Variants in ANKRD33B observed in about 807,000 individuals in gnomAD.
ANKRD33B encodes ankyrin repeat domain-containing protein 33B.
ANKRD33B carries 6 observed loss-of-function variants against 21.5 expected under a neutral mutation model. That is an observed-to-expected ratio of 0.28 (90% CI 0.15 to 0.55). ANKRD33B has a LOEUF of 0.55. Among genes scored for constraint, ANKRD33B ranks in the 20% least tolerant of loss-of-function variants. ANKRD33B has a pLI of 0.94. For missense variants in ANKRD33B, 698 were observed against 747.2 expected (o/e 0.93, Z 0.77); for synonymous variants, 347 against 342.4 (o/e 1.01, Z -0.15).
intron 3 of ANKRD33B, among the ~76,000 whole-genome samples, chr5:10,647,855 G>A (rs1579761063): frequency 6.6e-6 from 1 of 152,160 alleles, no homozygotes; most frequent in East Asian, 1.9e-4. Flanking sequence ...CATTATGAAG[G>A]GTAATCTCCT....
rs145514190 is a variant in ANKRD33B, at chr5:10,627,022, G to A, written c.496+8560G>A. 4.1e-3 allele frequency among the ~76,000 whole-genome samples: 629 copies of A among 152,312 alleles called. 2 individuals are homozygous for A. Among genetic ancestry groups the A allele is most frequent in the African/African-American group, 0.014 (579 of 41,576 alleles). The stretch of plus-strand genomic sequence containing the variant: ...CACAGCATTTATGAGTACGAATTCG[G>A]ATGCAAATGCCTTCATCTGCCTTTT... On this transcript the variant is annotated intron_variant, in intron 2 of 3. Coordinates refer to ENST00000296657, the MANE Select transcript of ANKRD33B (RefSeq NM_001164440.2).
Position 10,564,458 on chromosome 5 carries a change from G to C in ANKRD33B, c.-10G>C. On this transcript the variant is annotated 5_prime_UTR_variant, in exon 1 of 4. Coordinates refer to ENST00000296657, the MANE Select transcript of ANKRD33B (RefSeq NM_001164440.2). ...CGCCCCGGCCCCCGGCCCGCGCCCC[G>C]GCCGCCGGCATGGTGCTGCTGGCCG... 8.9e-7 allele frequency: 1 copy of C among 1,126,782 alleles called. No homozygotes were observed. The highest frequency in any genetic ancestry group is 4.3e-5 in the South Asian group (1 of 23,150). The allele number at this position is 1,126,782 out of a possible 1,614,324, so 69.8% of individuals were successfully genotyped here. A position where few individuals can be genotyped will look rare whatever the true frequency, so the allele number is the denominator to read the frequency against.
intron 1 of ANKRD33B, among the ~76,000 whole-genome samples, chr5:10,566,401 G>A (rs893576139): frequency 6.6e-6 from 1 of 152,198 alleles, no homozygotes; most frequent in African/African-American, 2.4e-5. Flanking sequence ...CCAGATGTGT[G>A]TAATCAGAAA....
chr5:10,582,809 C>T (rs934983292), intron 1 of ANKRD33B, among the ~76,000 whole-genome samples: 1 of 152,210 alleles, frequency 6.6e-6, no homozygotes, highest in Non-Finnish European at 1.5e-5. Flanking sequence ...GACTTTGGAC[C>T]CTCATCGCAG....
intron 3 of ANKRD33B, among the ~76,000 whole-genome samples, chr5:10,648,909 T>C (rs1737250795): frequency 6.6e-6 from 1 of 152,144 alleles, no homozygotes; most frequent in Non-Finnish European, 1.5e-5. Context: ...GGTGGGAGGA[T>C]TGCTTGAACC....
chr5:10,655,943 A>G lies in ANKRD33B; in HGVS notation c.*5830A>G, dbSNP rs770784021. On this transcript the variant is annotated 3_prime_UTR_variant, in exon 4 of 4. Coordinates refer to ENST00000296657, the MANE Select transcript of ANKRD33B (RefSeq NM_001164440.2). ...GGACAGGTGGGACCCTGACCATGACAGATCTTTCTAAAACAATAAAGTCCC... is the reference window on the plus strand; with the variant it reads ...GGACAGGTGGGACCCTGACCATGACGGATCTTTCTAAAACAATAAAGTCCC... The G allele has an allele frequency of 2.6e-5, 4 of 152,358 alleles. No homozygotes were observed. Among genetic ancestry groups the G allele is most frequent in the Non-Finnish European group, 5.9e-5 (4 of 68,032 alleles). The allele number at this position is 152,358 out of a possible 1,614,324, so 9.4% of individuals were successfully genotyped here.
chr5:10,606,869 C>T (rs1412266680), intron 1 of ANKRD33B, among the ~76,000 whole-genome samples: 1 of 151,640 alleles, frequency 6.6e-6, no homozygotes, highest in Non-Finnish European at 1.5e-5. Context: ...GTTGCGATTA[C>T]AGGTGTGCGT....
chr5:10,629,950 G>T (rs1447646779), intron 2 of ANKRD33B, among the ~76,000 whole-genome samples: 1 of 152,168 alleles, frequency 6.6e-6, no homozygotes, highest in Non-Finnish European at 1.5e-5. Flanking sequence ...TGCTGGGGGT[G>T]GTTTCAGCAA....
intron 1 of ANKRD33B, among the ~76,000 whole-genome samples, chr5:10,567,016 C>G (rs1419931405): frequency 6.6e-6 from 1 of 152,174 alleles, no homozygotes; most frequent in African/African-American, 2.4e-5. Flanking sequence ...TTTTCTCTCG[C>G]TGCTTTTCTT....
chr5:10,600,203 A>G (rs189919746), intron 1 of ANKRD33B, among the ~76,000 whole-genome samples: 158 of 152,350 alleles, frequency 1.0e-3, no homozygotes, highest in Middle Eastern at 6.8e-3. Context: ...GATAATTTAC[A>G]TACAGTGAAA....
chr5:10,618,652 G>A (rs760383374), intron 2 of ANKRD33B, among the ~76,000 whole-genome samples, 190 bp downstream of exon 2: 2 of 152,214 alleles, frequency 1.3e-5, no homozygotes, highest in Admixed American at 6.5e-5. Context: ...TCAGAATTCA[G>A]TATGGGCAGA....
intron 1 of ANKRD33B, among the ~76,000 whole-genome samples, chr5:10,579,987 C>G (rs1281143754): frequency 3.9e-5 from 6 of 152,128 alleles, no homozygotes; most frequent in Non-Finnish European, 8.8e-5. Context: ...CTCTATTCCC[C>G]ACCCCCTCCA....
chr5:10,624,372 C>T (rs1231694677), intron 2 of ANKRD33B, among the ~76,000 whole-genome samples: 2 of 152,134 alleles, frequency 1.3e-5, no homozygotes, highest in Non-Finnish European at 2.9e-5. Context: ...TCAAGTGATC[C>T]GCCCACCTTG....
intron 1 of ANKRD33B, among the ~76,000 whole-genome samples, chr5:10,604,843 T>A (rs2126571412): frequency 6.6e-6 from 1 of 152,314 alleles, no homozygotes; most frequent in Admixed American, 6.5e-5. Context: ...GACTTGTTGA[T>A]GTTTGTATTA....
At position 10,654,401 on chromosome 5, in the gene ANKRD33B, C is replaced by A. The variant is rs1262526118; in HGVS notation, c.*4288C>A. On this transcript the variant is annotated 3_prime_UTR_variant, in exon 4 of 4. Coordinates refer to ENST00000296657, the MANE Select transcript of ANKRD33B (RefSeq NM_001164440.2). ...AATTTCAAGTTGACAGGTACCTTCT[C>A]AGGGATTTATATATAAATATAGTTA... The A allele has an allele frequency of 6.6e-6, 1 of 152,370 alleles. No individual in the cohort carries two copies. The highest frequency in any genetic ancestry group is 6.5e-5 in the Admixed American group (1 of 15,292). The allele number at this position is 152,370 out of a possible 1,614,324, so 9.4% of individuals were successfully genotyped here. A position where few individuals can be genotyped will look rare whatever the true frequency, so the allele number is the denominator to read the frequency against.
chr5:10,601,704 AG>A (rs1372085713), intron 1 of ANKRD33B, among the ~76,000 whole-genome samples: 14 of 152,386 alleles, frequency 9.2e-5, no homozygotes, highest in African/African-American at 3.4e-4. Context: ...AAAGCGGTGC[AG>A]CCCTCCTCCC....
At chr5:10,633,556 G>A (rs1034775547) in intron 2 of ANKRD33B, among the ~76,000 whole-genome samples, 4 of 152,170 alleles carry the variant, frequency 2.6e-5, no homozygotes, top group Non-Finnish European at 4.4e-5. Context: ...ATGAATGGAC[G>A]CGTGTCAATT....
intron 1 of ANKRD33B, among the ~76,000 whole-genome samples, chr5:10,565,816 T>C (rs1735036542): frequency 6.6e-6 from 1 of 152,240 alleles, no homozygotes; most frequent in Non-Finnish European, 1.5e-5. Flanking sequence ...GATTTTTGTA[T>C]TGTCCAAGGA....
At chr5:10,599,089 G>C (rs1299149762) in intron 1 of ANKRD33B, among the ~76,000 whole-genome samples, 1 of 152,302 alleles carries the variant, frequency 6.6e-6, no homozygotes, top group African/African-American at 2.4e-5. Context: ...CAGAGGCAAA[G>C]ACCTGTTGTT....
Sources: gnomAD v4.1 joint callset for allele counts (sites outside exome capture counted in the v4.1 genomes callset) on GRCh38, gnomAD v4.1.1 for gene constraint, MANE v1.5 for transcripts, NCBI Gene and HGNC (gene_info 2026-07-23, HGNC 2026-07-21) for gene names.